The following PRSS38 variants were observed in gnomAD, a reference collection of about 807,000 sequenced individuals.
PRSS38 encodes serine protease 38, also known as marapsin 2.
PRSS38 carries 22 observed loss-of-function variants against 26.8 expected under a neutral mutation model. The ratio of observed to expected loss-of-function variants is 0.82; its 90% CI spans 0.59 to 1.17. The LOEUF (loss-of-function observed/expected upper bound fraction) is 1.17, where lower values mean the gene tolerates loss of function less well. PRSS38 is among the 50% of genes most tolerant of loss of function. PRSS38 has a pLI of 0.00. For synonymous variants in PRSS38, 175 were observed against 172.1 expected (o/e 1.02, Z -0.13); for missense variants, 427 against 422.7 (o/e 1.01, Z -0.09).
chr1:227,827,638 A>G (rs1486120699), intron 3 of PRSS38, among the ~76,000 whole-genome samples: 4 of 138,460 alleles, frequency 2.9e-5, no homozygotes, highest in Non-Finnish European at 6.4e-5. Context: ...TTTTTAGAAA[A>G]CCAGCTTCTG....
intron 1 of PRSS38, 85 bp downstream of exon 1, chr1:227,815,949 G>T: frequency 2.0e-6 from 3 of 1,508,938 alleles, no homozygotes; most frequent in East Asian, 4.7e-5. Context: ...CCCCCATGTC[G>T]CCTGCCCATC....
rs541820670 is a variant in PRSS38, at chr1:227,825,355, C to A, written c.583+7875C>A. ...TACAGGCACATGCCACCACGCCCAG[C>A]TAGTTTTTGTATTTTTAGTAGAGGC... On this transcript the variant is annotated intron_variant, in intron 3 of 4. Transcript: ENST00000366757. Among the ~76,000 whole-genome samples, 6 of 152,252 alleles carry A rather than the reference C, an allele frequency of 3.9e-5. No homozygotes were observed. In the South Asian group the frequency reaches 1.2e-3, roughly 32 times the overall value.
intron 1 of PRSS38, 67 bp downstream of exon 1, chr1:227,815,931 G>A (rs1558230752): frequency 2.0e-6 from 3 of 1,536,878 alleles, no homozygotes; most frequent in South Asian, 2.5e-5. Context: ...GTCGGTGCTG[G>A]GCCTCCTCCC....
At chr1:227,841,982 A>AGAGGG (rs1313650862) in intron 3 of PRSS38, among the ~76,000 whole-genome samples, 2 of 152,176 alleles carry the variant, frequency 1.3e-5, no homozygotes, top group Non-Finnish European at 2.9e-5. Context: ...CCACATGGCC[A>AGAGGG]GAGGGGAGGG....
chr1:227,842,281 AG>A (rs1451548172), intron 3 of PRSS38, among the ~76,000 whole-genome samples: 1 of 152,166 alleles, frequency 6.6e-6, no homozygotes, highest in Non-Finnish European at 1.5e-5. Context: ...CTCTCATTCC[AG>A]GAAAGCTTTC....
At chr1:227,824,614 T>C (rs1214186919) in intron 3 of PRSS38, among the ~76,000 whole-genome samples, 1 of 152,182 alleles carries the variant, frequency 6.6e-6, no homozygotes. Context: ...CAGATAGTAT[T>C]TCTGCCTCTG....
chr1:227,841,104 C>T (rs557433898), intron 3 of PRSS38, among the ~76,000 whole-genome samples: 2 of 152,316 alleles, frequency 1.3e-5, no homozygotes, highest in African/African-American at 2.4e-5. Context: ...CAGCAACGGG[C>T]CTTTACTGAG....
In PRSS38 at chr1:227,817,207, A is replaced by T; in HGVS notation, c.312-2A>T. On this transcript the variant is annotated splice_acceptor_variant, in intron 2 of 4. Coordinates refer to ENST00000366757, the Ensembl canonical transcript of PRSS38. LOFTEE classifies it high-confidence loss of function. ...ATTGTACCTCTGTTCTCACCCCCAC[A>T]GGGACAAGAATATCAAAATCTATGA... 1 of 1,611,878 alleles carries T rather than the reference A, an allele frequency of 6.2e-7. No individual in the cohort carries two copies. Among genetic ancestry groups the T allele is most frequent in the Non-Finnish European group, 8.5e-7 (1 of 1,178,230 alleles).
chr1:227,829,696 G>A (rs1232373422), intron 3 of PRSS38, among the ~76,000 whole-genome samples: 3 of 152,132 alleles, frequency 2.0e-5, no homozygotes. Context: ...TCTGAGAAAT[G>A]TAGTTTAAAT....
At chr1:227,841,121 C>A (rs1267831797) in intron 3 of PRSS38, among the ~76,000 whole-genome samples, 1 of 152,198 alleles carries the variant, frequency 6.6e-6, no homozygotes, top group Non-Finnish European at 1.5e-5. Flanking sequence ...TGAGCTCAGG[C>A]AGTTGTGGGT....
intron 3 of PRSS38, among the ~76,000 whole-genome samples, chr1:227,822,950 T>C (rs1240914542): frequency 6.6e-6 from 1 of 152,226 alleles, no homozygotes; most frequent in Non-Finnish European, 1.5e-5. Flanking sequence ...GTATTTTTTA[T>C]TTTTATAGAT....
intron 3 of PRSS38, among the ~76,000 whole-genome samples, chr1:227,820,389 A>T (rs1195912229): frequency 6.6e-6 from 1 of 152,080 alleles, no homozygotes; most frequent in Non-Finnish European, 1.5e-5. Flanking sequence ...TTCTGATCTC[A>T]TGGGAAATGC....
chr1:227,846,450 C>A lies in PRSS38; in HGVS notation c.*242C>A, dbSNP rs911015084. 81 of 566,590 alleles carry A rather than the reference C, an allele frequency of 1.4e-4. 2 individuals are homozygous for A. The highest frequency in any genetic ancestry group is 1.3e-3 in the African/African-American group (71 of 53,588). 35.1% of individuals were successfully genotyped at this position (566,590 alleles called of 1,614,324 possible). On this transcript the variant is annotated 3_prime_UTR_variant, in exon 5 of 5. Transcript: ENST00000366757. ...GAGTGCACCTGAGATTTGATAAGAT[C>A]ATTAAATATTTACAAAGCAAGCCTC...
At chr1:227,842,078 G>C (rs940761368) in intron 3 of PRSS38, among the ~76,000 whole-genome samples, 2 of 152,218 alleles carry the variant, frequency 1.3e-5, no homozygotes, top group Admixed American at 1.3e-4. Flanking sequence ...CCACAGCACT[G>C]ATCTATTCAT....
At chr1:227,830,637 G>A (rs572320230) in intron 3 of PRSS38, among the ~76,000 whole-genome samples, 8 of 150,640 alleles carry the variant, frequency 5.3e-5, no homozygotes, top group South Asian at 2.1e-4. Flanking sequence ...GATTACAGGC[G>A]CCCACCACCA....
rs1228045748 is a variant in PRSS38 at position 227,816,101 on chromosome 1, C to T, written c.160C>T (p.Pro54Ser). Residue 54 changes from proline to serine, a missense_variant, in exon 2 of 5, where the codon CCC becomes TCC. By Grantham distance (74) the Pro-to-Ser change is moderately conservative (BLOSUM62 -1). Coordinates refer to ENST00000366757, the Ensembl canonical transcript of PRSS38. This position sits in a 1 kb window ranked among gnomAD's most constrained non-coding sequence, Gnocchi z 5.1. ...CGTTCTCCCTGCAGCCTGTGGTCGG[C>T]CCAGCATGGAGGGGAAAATCCTGGG... 1 of 1,612,878 alleles carries T rather than the reference C, an allele frequency of 6.2e-7. No homozygotes were observed. Among genetic ancestry groups the T allele is most frequent in the Non-Finnish European group, 8.5e-7 (1 of 1,179,576 alleles).
chr1:227,834,426 T>G (rs1032721164), intron 3 of PRSS38, among the ~76,000 whole-genome samples: 1 of 151,788 alleles, frequency 6.6e-6, no homozygotes, highest in Non-Finnish European at 1.5e-5. Context: ...CCCAACAGTT[T>G]GGGAGGCCAA....
At position 227,816,323 on chromosome 1, in the gene PRSS38, G is replaced by A. The variant is rs983056555; in HGVS notation, c.311+71G>A. 7 of 1,490,064 alleles carry A rather than the reference G, an allele frequency of 4.7e-6. No homozygotes were observed. The African/African-American group carries it at 6.9e-5, about 15-fold the overall frequency. The allele number at this position is 1,490,064 out of a possible 1,614,324, so 92.3% of individuals were successfully genotyped here. ...CGGAGTGCCCACAGCGGCTTGGATG[G>A]ACCCCACGCAAGCCTCCCCCATCAC... is the stretch of plus-strand genomic sequence containing the variant. On this transcript the variant is annotated intron_variant, in intron 2 of 4. Transcript: ENST00000366757. The surrounding 1 kb of genome is among the most constrained non-coding windows in gnomAD (Gnocchi z 5.1).
At chr1:227,824,206 T>C (rs1304139663) in intron 3 of PRSS38, among the ~76,000 whole-genome samples, 1 of 152,164 alleles carries the variant, frequency 6.6e-6, no homozygotes, top group Non-Finnish European at 1.5e-5. Flanking sequence ...CTGTTCTTCC[T>C]AATGCTTTCC....
Sources: gnomAD v4.1 joint callset for allele counts (sites outside exome capture counted in the v4.1 genomes callset) on GRCh38, gnomAD v4.1.1 for gene constraint, Gnocchi (gnomAD v3.1) non-coding constraint, MANE v1.5 for transcripts, NCBI Gene and HGNC (gene_info 2026-07-23, HGNC 2026-07-21) for gene names.